Variants in PTPN4 observed in about 807,000 individuals in gnomAD.
PTPN4 encodes the protein protein tyrosine phosphatase non-receptor type 4, also known as tyrosine-protein phosphatase non-receptor type 4.
PTPN4 carries 49 observed loss-of-function variants against 135.5 expected under a neutral mutation model. The ratio of observed to expected loss-of-function variants is 0.36; its 90% CI spans 0.29 to 0.46. The LOEUF is 0.46. Ranked by LOEUF, PTPN4 falls within the 20% of genes least tolerant of loss-of-function variation. The probability of loss-of-function intolerance (pLI) is 1.00; values close to 1 mark genes in which losing one functional copy is unlikely to be tolerated. For missense variants in PTPN4, 860 were observed against 1,101.0 expected, an observed-to-expected ratio of 0.78 and a Z score of 3.10; for synonymous variants, 333 against 369.9, an observed-to-expected ratio of 0.90 and a Z score of 1.14.
At chr2:119,896,570 T>C (rs1217848085) in intron 9 of PTPN4, among the ~76,000 whole-genome samples, 2 of 152,230 alleles carry the variant, frequency 1.3e-5, no homozygotes, top group Non-Finnish European at 2.9e-5. Flanking sequence ...TTTGCTCTTA[T>C]TCTGTGCTAG....
rs548790752 is a variant in PTPN4, at chr2:119,878,894, A to C, written c.368+1352A>C. 5.6e-3 allele frequency among the ~76,000 whole-genome samples: 851 copies of C among 151,670 alleles called. 20 individuals carry two copies. Among genetic ancestry groups the C allele is most frequent in the East Asian group, 0.017 (89 of 5,138 alleles). ...GGATCACGAGGTCAGGAGATCAAGA[A>C]CATCCTGGCTAACACGGTGAAACCC... On this transcript the variant is annotated intron_variant, in intron 5 of 26. Transcript: ENST00000263708.
At chr2:119,975,731 A>C (rs1181539267) in intron 26 of PTPN4, among the ~76,000 whole-genome samples, 1 of 152,120 alleles carries the variant, frequency 6.6e-6, no homozygotes, top group East Asian at 1.9e-4. Flanking sequence ...TCTAAAAAAA[A>C]ATGTCCCTTC....
intron 1 of PTPN4, among the ~76,000 whole-genome samples, chr2:119,768,070 CCTT>C (rs1339425002): frequency 6.6e-6 from 1 of 152,178 alleles, no homozygotes; most frequent in Non-Finnish European, 1.5e-5. Flanking sequence ...AAGATTTTCT[CCTT>C]CTTCTCCATA....
chr2:119,843,131 CAAAT>C (rs755633748), intron 2 of PTPN4, among the ~76,000 whole-genome samples: 12 of 149,320 alleles, frequency 8.0e-5, no homozygotes, highest in South Asian at 6.4e-4. Context: ...TTACCACAAA[CAAAT>C]AAATTTTAAA....
At chr2:119,799,949 T>C (rs1047970436) in intron 1 of PTPN4, among the ~76,000 whole-genome samples, 1 of 152,180 alleles carries the variant, frequency 6.6e-6, no homozygotes, top group Non-Finnish European at 1.5e-5. Context: ...ATGAAAGTAA[T>C]TTTATACAGA....
chr2:119,981,648 C>G lies in PTPN4; in HGVS notation c.*4578C>G, dbSNP rs943327051. 6 of 151,984 alleles carry G rather than the reference C, an allele frequency of 3.9e-5. No homozygotes were observed. The highest frequency in any genetic ancestry group is 1.4e-4 in the African/African-American group (6 of 41,382). 9.4% of individuals were successfully genotyped at this position (151,984 alleles called of 1,614,324 possible). ...TTTATTAAGAACCCAGTAAATTAAT[C>G]CCTAATTTGTATGTTTTTTGTTCAA... is the stretch of plus-strand genomic sequence containing the variant. On this transcript the variant is annotated 3_prime_UTR_variant, in exon 27 of 27. Transcript: ENST00000263708.
chr2:119,872,468 G>A (rs1306842978), intron 3 of PTPN4, among the ~76,000 whole-genome samples: 1 of 152,152 alleles, frequency 6.6e-6, no homozygotes, highest in Admixed American at 6.5e-5. Context: ...CTTGATCTTT[G>A]CTATCTTGGG....
At chr2:119,796,802 A>G (rs1691269509) in intron 1 of PTPN4, among the ~76,000 whole-genome samples, 1 of 152,076 alleles carries the variant, frequency 6.6e-6, no homozygotes, top group Non-Finnish European at 1.5e-5. Flanking sequence ...CCCACCAGTG[A>G]TGAATGAGAG....
Position 119,932,536 on chromosome 2 carries a change from G to C in PTPN4, c.1183G>C (p.Gly395Arg), listed in dbSNP as rs771641866. The change falls in exon 14 of 27, where the codon GGA becomes CGA. Residue 395 changes from glycine to arginine, a missense_variant. Transcript: ENST00000263708. ...AAGTCTTCCATCACGATCTCCACCGGGAACTCCTAATCAGTAAGTGTGAAT... is the reference window on the plus strand; with the variant it reads ...AAGTCTTCCATCACGATCTCCACCGCGAACTCCTAATCAGTAAGTGTGAAT... ...TQSLPSRSPP[G>R]TPNHRNSTFT... The C allele has an allele frequency of 1.7e-5, 27 of 1,608,038 alleles. No homozygotes were observed. The highest frequency in any genetic ancestry group is 5.1e-5 in the Admixed American group (3 of 59,032).
rs992761767 is a variant in PTPN4 at position 119,981,838 on chromosome 2, A to G, written c.*4768A>G. On this transcript the variant is annotated 3_prime_UTR_variant, in exon 27 of 27. Coordinates refer to ENST00000263708, the MANE Select transcript of PTPN4 (RefSeq NM_002830.4). ...TGTTGTGAGTAGACACCACATAGTT[A>G]TTTCTGTTTGCATATAAATTTGCTG... The G allele has an allele frequency of 6.6e-6, 1 of 152,060 alleles. No homozygotes were observed. Among genetic ancestry groups the G allele is most frequent in the Non-Finnish European group, 1.5e-5 (1 of 67,968 alleles). The allele number at this position is 152,060 out of a possible 1,614,324, so 9.4% of individuals were successfully genotyped here. A position where few individuals can be genotyped will look rare whatever the true frequency, so the allele number is the denominator to read the frequency against.
chr2:119,888,141 C>T (rs964443017), intron 9 of PTPN4, among the ~76,000 whole-genome samples: 1 of 152,012 alleles, frequency 6.6e-6, no homozygotes, highest in Non-Finnish European at 1.5e-5. Context: ...GGATTGCCTT[C>T]TTGATTTCTT....
chr2:119,946,807 A>AAGCATTAAC (rs1679141638), intron 18 of PTPN4: 1 of 432,024 alleles, frequency 2.3e-6, no homozygotes, highest in Non-Finnish European at 4.1e-6. Flanking sequence ...ATTGCTTCTA[A>AAGCATTAAC]AGCATTAACA....
intron 11 of PTPN4, among the ~76,000 whole-genome samples, chr2:119,919,696 T>G (rs1678709012): frequency 6.6e-6 from 1 of 152,014 alleles, no homozygotes; most frequent in African/African-American, 2.4e-5. Context: ...TGGTGGTGCA[T>G]GCCTTTAATT....
intron 2 of PTPN4, among the ~76,000 whole-genome samples, chr2:119,844,363 C>T (rs1677443314): frequency 2.1e-5 from 2 of 96,694 alleles, no homozygotes; most frequent in Admixed American, 1.9e-4. Flanking sequence ...CCCCCCCCCA[C>T]CTCCCTCCCG....
chr2:119,919,186 TATGGG>T (rs1319459357), intron 11 of PTPN4, among the ~76,000 whole-genome samples: 1 of 152,224 alleles, frequency 6.6e-6, no homozygotes, highest in Non-Finnish European at 1.5e-5. Flanking sequence ...GCTGTGCAAT[TATGGG>T]ATGTGAATGT....
chr2:119,783,307 T>A (rs1690980325), intron 1 of PTPN4, among the ~76,000 whole-genome samples: 1 of 152,222 alleles, frequency 6.6e-6, no homozygotes, highest in Non-Finnish European at 1.5e-5. Flanking sequence ...ATCCTTTTCC[T>A]GTTAATGTCA....
intron 2 of PTPN4, among the ~76,000 whole-genome samples, chr2:119,852,357 CCCTT>C (rs529837374): frequency 6.6e-4 from 100 of 152,284 alleles, no homozygotes; most frequent in Middle Eastern, 3.4e-3. Context: ...GGTTAAAAAC[CCCTT>C]CCTTCCTTTG....
chr2:119,847,277 C>G lies in PTPN4; in HGVS notation c.139-15259C>G, dbSNP rs2941613. On this transcript the variant is annotated intron_variant, in intron 2 of 26. Transcript: ENST00000263708. ...AGAAAAAAAGGAGATACTCTATATA[C>G]ACACACACACACACACACACACACA... 4.7e-4 allele frequency among the ~76,000 whole-genome samples: 41 copies of G among 86,366 alleles called. 1 individual carries two copies. Among genetic ancestry groups the G allele is most frequent in the African/African-American group, 1.5e-3 (39 of 25,192 alleles). The allele number at this position is 86,366 out of a possible 152,430, so 56.7% of individuals were successfully genotyped here. A position where few individuals can be genotyped will look rare whatever the true frequency, so the allele number is the denominator to read the frequency against.
At chr2:119,933,529 A>C (rs935362453) in intron 14 of PTPN4, among the ~76,000 whole-genome samples, 1 of 151,926 alleles carries the variant, frequency 6.6e-6, no homozygotes. Context: ...AACATACAAA[A>C]ATTAGCTGAG....
Sources: allele counts gnomAD v4.1 joint callset (sites outside exome capture counted in the v4.1 genomes callset), GRCh38; gene constraint gnomAD v4.1.1; transcripts MANE v1.5; gene names NCBI Gene and HGNC (gene_info 2026-07-23, HGNC 2026-07-21).